The following PRNP variants were observed in gnomAD, a reference collection of about 807,000 sequenced individuals.
PRNP encodes major prion protein.
Under a neutral mutation model 21.3 loss-of-function variants are expected in PRNP, and 15 were observed. That is an observed-to-expected ratio of 0.71 (90% CI 0.47 to 1.09). The LOEUF is 1.09. Among genes scored for constraint, PRNP ranks in the 50% least tolerant of loss-of-function variants. PRNP has a pLI of 0.00. For missense variants in PRNP, 285 were observed against 340.9 expected (o/e 0.84, Z 1.29); for synonymous variants, 121 against 123.1 (o/e 0.98, Z 0.11).
intron 1 of PRNP, among the ~76,000 whole-genome samples, chr20:4,691,996 C>A (rs958640525): frequency 1.3e-5 from 2 of 152,210 alleles, no homozygotes; most frequent in African/African-American, 4.8e-5. Flanking sequence ...AAGTGTAAGT[C>A]TGATGCCTCC....
In PRNP at chr20:4,700,184, G is replaced by T. The variant is rs1922516892; in HGVS notation, c.*202G>T. ...TGCTGGTCAAGCCCCCTTTGATTGAGTTCATCATGAGCCGTTGCTAATGCC... is the reference window on the plus strand; with the variant it reads ...TGCTGGTCAAGCCCCCTTTGATTGATTTCATCATGAGCCGTTGCTAATGCC... On this transcript the variant is annotated 3_prime_UTR_variant, in exon 2 of 2. Coordinates refer to ENST00000379440, the MANE Select transcript of PRNP (RefSeq NM_000311.5). The surrounding 1 kb of genome is among the most constrained non-coding windows in gnomAD (Gnocchi z 4.1). 2 of 1,496,188 alleles carry T rather than the reference G, an allele frequency of 1.3e-6. No homozygotes were observed. The highest frequency in any genetic ancestry group is 2.5e-5 in the East Asian group (1 of 40,154). 92.7% of individuals were successfully genotyped at this position (1,496,188 alleles called of 1,614,324 possible).
Position 4,699,120 on chromosome 20 carries a change from A to G in PRNP, c.-10-91A>G, listed in dbSNP as rs1356715548. On this transcript the variant is annotated intron_variant, in intron 1 of 1. Transcript: ENST00000379440. This position sits in a 1 kb window ranked among gnomAD's most constrained non-coding sequence, Gnocchi z 5.8. ...ACAGTGTTTCTACTGAGCAGCTGAT[A>G]CCATTGCTATGCACTCATTCATTAT... The G allele has an allele frequency of 6.8e-7, 1 of 1,470,436 alleles. No homozygotes were observed. The highest frequency in any genetic ancestry group is 1.7e-5 in the Admixed American group (1 of 58,770). 91.1% of individuals were successfully genotyped at this position (1,470,436 alleles called of 1,614,324 possible). A position where few individuals can be genotyped will look rare whatever the true frequency, so the allele number is the denominator to read the frequency against.
intron 1 of PRNP, among the ~76,000 whole-genome samples, chr20:4,688,884 A>G (rs1250946226): frequency 6.6e-6 from 1 of 152,234 alleles, no homozygotes; most frequent in African/African-American, 2.4e-5. Flanking sequence ...TGCTCTCACT[A>G]AGGGCGTTTA....
Position 4,699,408 on chromosome 20 carries a change from G to T in PRNP, c.188G>T (p.Gly63Val). ...GGGGWGQPHG[G>V]GWGQPHGGGW... ...GGTGGCTGGGGGCAGCCTCATGGTG[G>T]TGGCTGGGGGCAGCCTCATGGTGGT... The change falls in exon 2 of 2, where the codon GGT (glycine) becomes GTT (valine). Residue 63 changes from glycine (G) to valine (V), a missense_variant. Physicochemically the swap from Gly to Val is moderately radical, Grantham distance 109. Coordinates refer to ENST00000379440, the MANE Select transcript of PRNP (RefSeq NM_000311.5). This position sits in a 1 kb window ranked among gnomAD's most constrained non-coding sequence, Gnocchi z 5.8. 1 of 1,612,882 alleles carries T rather than the reference G, an allele frequency of 6.2e-7. No homozygotes were observed. The highest frequency in any genetic ancestry group is 1.7e-5 in the Admixed American group (1 of 59,974).
intron 1 of PRNP, among the ~76,000 whole-genome samples, chr20:4,690,312 T>C (rs1921742777): frequency 6.6e-6 from 1 of 152,240 alleles, no homozygotes; most frequent in African/African-American, 2.4e-5. Context: ...CTTCAAGTTG[T>C]AATGTGTTTT....
chr20:4,690,314 A>G (rs1921743147), intron 1 of PRNP, among the ~76,000 whole-genome samples: 1 of 152,192 alleles, frequency 6.6e-6, no homozygotes, highest in African/African-American at 2.4e-5. Flanking sequence ...TCAAGTTGTA[A>G]TGTGTTTTAT....
intron 1 of PRNP, among the ~76,000 whole-genome samples, chr20:4,688,033 G>A (rs1921589249): frequency 6.6e-6 from 1 of 152,138 alleles, no homozygotes; most frequent in Non-Finnish European, 1.5e-5. Flanking sequence ...CCAGTAAGGG[G>A]AAAAGCAGGC....
Position 4,700,142 on chromosome 20 carries a change from A to G in PRNP, c.*160A>G. 6.5e-7 allele frequency: 1 copy of G among 1,547,184 alleles called. No homozygotes were observed. The highest frequency in any genetic ancestry group is 8.7e-7 in the Non-Finnish European group (1 of 1,145,064). On this transcript the variant is annotated 3_prime_UTR_variant, in exon 2 of 2. Coordinates refer to ENST00000379440, the MANE Select transcript of PRNP (RefSeq NM_000311.5). The surrounding 1 kb of genome is among the most constrained non-coding windows in gnomAD (Gnocchi z 4.1). The stretch of plus-strand genomic sequence containing the variant: ...TTGGCACTGATGGGCACTGGAAAAC[A>G]TAGAGTAGACCTGAGATGCTGGTCA...
At position 4,687,720 on chromosome 20, in the gene PRNP, T is replaced by C. The variant is rs141149688; in HGVS notation, c.-11+1208T>C. ...CAGTGCAGTTTCACTGCTGTAATGATGAGGATCTTCATGGCCGCGTTATTT... is the reference window on the plus strand; with the variant it reads ...CAGTGCAGTTTCACTGCTGTAATGACGAGGATCTTCATGGCCGCGTTATTT... On this transcript the variant is annotated intron_variant, in intron 1 of 1. Transcript: ENST00000379440. 4.0e-4 allele frequency among the ~76,000 whole-genome samples: 61 copies of C among 152,352 alleles called. 1 individual carries two copies. Among genetic ancestry groups the C allele is most frequent in the Admixed American group, 3.5e-3 (54 of 15,306 alleles).
chr20:4,688,276 T>C (rs1271592818), intron 1 of PRNP, among the ~76,000 whole-genome samples: 1 of 152,172 alleles, frequency 6.6e-6, no homozygotes, highest in African/African-American at 2.4e-5. Context: ...CATTTTCAAG[T>C]GTCTGGGGAG....
At chr20:4,696,864 C>T (rs2122220467) in intron 1 of PRNP, among the ~76,000 whole-genome samples, 1 of 152,300 alleles carries the variant, frequency 6.6e-6, no homozygotes, top group African/African-American at 2.4e-5. Flanking sequence ...AGTTGTCTGG[C>T]CTCACCCACC....
rs375057882 is a variant in PRNP, at chr20:4,699,874, C to T, written c.654C>T (p.Tyr218=). The change falls in exon 2 of 2, where the codon TAC becomes TAT. Residue 218 remains tyrosine (Y), a synonymous_variant. Coordinates refer to ENST00000379440, the MANE Select transcript of PRNP (RefSeq NM_000311.5). This position sits in a 1 kb window ranked among gnomAD's most constrained non-coding sequence, Gnocchi z 5.8. The part of the protein sequence containing the change: ...RVVEQMCITQ[Y]ERESQAYYQR... ...TTGAGCAGATGTGTATCACCCAGTA[C>T]GAGAGGGAATCTCAGGCCTATTACC... 5.5e-5 allele frequency: 89 copies of T among 1,613,706 alleles called. No individual in the cohort carries two copies. The highest frequency in any genetic ancestry group is 1.6e-4 in the Middle Eastern group (1 of 6,084).
intron 1 of PRNP, among the ~76,000 whole-genome samples, chr20:4,695,604 A>G (rs1922118985): frequency 6.6e-6 from 1 of 152,192 alleles, no homozygotes; most frequent in Non-Finnish European, 1.5e-5. Context: ...GATGATTTAT[A>G]TTCCTTTGGG....
Position 4,697,391 on chromosome 20 carries a change from A to G in PRNP, c.-10-1820A>G, listed in dbSNP as rs185587583. 3.3e-5 allele frequency among the ~76,000 whole-genome samples: 5 copies of G among 152,334 alleles called. No individual in the cohort carries two copies. In the East Asian group the frequency reaches 9.6e-4, roughly 29 times the overall value. ...TGGAGAACATGAATAATAAGCACAGAGGAAATAACATAATATCTCAAGTAG... is the reference window on the plus strand; with the variant it reads ...TGGAGAACATGAATAATAAGCACAGGGGAAATAACATAATATCTCAAGTAG... On this transcript the variant is annotated intron_variant, in intron 1 of 1. Transcript: ENST00000379440. This position sits in a 1 kb window ranked among gnomAD's most constrained non-coding sequence, Gnocchi z 4.6.
rs572346941 is a variant in PRNP at position 4,696,941 on chromosome 20, T to A, written c.-10-2270T>A. ...CCATGTCCTCGCCTGTTCAGGTGTCTCTAAGAGCTCATAGATCCTTAACTC... is the reference window on the plus strand; with the variant it reads ...CCATGTCCTCGCCTGTTCAGGTGTCACTAAGAGCTCATAGATCCTTAACTC... On this transcript the variant is annotated intron_variant, in intron 1 of 1. Coordinates refer to ENST00000379440, the MANE Select transcript of PRNP (RefSeq NM_000311.5). Among the ~76,000 whole-genome samples the A allele has an allele frequency of 7.6e-4, 115 of 152,298 alleles. 4 individuals are homozygous for A. Among genetic ancestry groups the A allele is most frequent in the South Asian group, 1.0e-3 (5 of 4,826 alleles).
At position 4,686,595 on chromosome 20, in the gene PRNP, G is replaced by A. The variant is rs1921448020; in HGVS notation, c.-11+83G>A. The A allele has an allele frequency of 6.6e-6, 1 of 151,810 alleles. No homozygotes were observed. The highest frequency in any genetic ancestry group is 2.4e-5 in the African/African-American group (1 of 41,372). 9.4% of individuals were successfully genotyped at this position (151,810 alleles called of 1,614,324 possible). On this transcript the variant is annotated intron_variant, in intron 1 of 1. Coordinates refer to ENST00000379440, the MANE Select transcript of PRNP (RefSeq NM_000311.5). This position sits in a 1 kb window ranked among gnomAD's most constrained non-coding sequence, Gnocchi z 6.7. The stretch of plus-strand genomic sequence containing the variant: ...TGAGGACCCCGGGCCTCGGGTCCCA[G>A]GCGCAAGGGTGCCCGGCCGGGCGGG...
At chr20:4,691,249 A>G (rs1921809388) in intron 1 of PRNP, among the ~76,000 whole-genome samples, 1 of 152,208 alleles carries the variant, frequency 6.6e-6, no homozygotes, top group South Asian at 2.1e-4. Context: ...TACAGATTCC[A>G]TAGAATCCCT....
At chr20:4,694,662 A>G (rs1035414695) in intron 1 of PRNP, among the ~76,000 whole-genome samples, 12 of 151,898 alleles carry the variant, frequency 7.9e-5, no homozygotes, top group African/African-American at 2.9e-4. Context: ...CATCTCTATT[A>G]TTAATTTATG....
chr20:4,700,051 A>G lies in PRNP; in HGVS notation c.*69A>G. 6.4e-7 allele frequency: 1 copy of G among 1,552,916 alleles called. No homozygotes were observed. Among genetic ancestry groups the G allele is most frequent in the Admixed American group, 2.0e-5 (1 of 51,078 alleles). On this transcript the variant is annotated 3_prime_UTR_variant, in exon 2 of 2. Coordinates refer to ENST00000379440, the MANE Select transcript of PRNP (RefSeq NM_000311.5). This position sits in a 1 kb window ranked among gnomAD's most constrained non-coding sequence, Gnocchi z 4.1. ...CTTGAGGGAGGCGGTATCCACCTGC[A>G]GCCCTTTTAGTGGTGGTGTCTCACT...
Sources: gnomAD v4.1 joint callset for allele counts (sites outside exome capture counted in the v4.1 genomes callset) on GRCh38, gnomAD v4.1.1 for gene constraint, Gnocchi (gnomAD v3.1) non-coding constraint, MANE v1.5 for transcripts, NCBI Gene and HGNC (gene_info 2026-07-23, HGNC 2026-07-21) for gene names.